Variants in RERE observed in about 807,000 individuals in gnomAD.
RERE encodes arginine-glutamic acid dipeptide repeats.
RERE carries 40 observed loss-of-function variants against 146.1 expected under a neutral mutation model. The observed-to-expected ratio is 0.27, with a 90% confidence interval of 0.21 to 0.36. The LOEUF is 0.36. RERE is among the 10% of genes least tolerant of loss of function. The pLI is 1.00. For missense variants in RERE, 1,933 were observed against 2,138.7 expected (o/e 0.90, Z 1.90); for synonymous variants, 1,003 against 866.0 (o/e 1.16, Z -2.78).
chr1:8,560,757 G>C (rs532310408), intron 4 of RERE, among the ~76,000 whole-genome samples: 53 of 152,318 alleles, frequency 3.5e-4, no homozygotes, highest in South Asian at 1.0e-3. Context: ...ACTGTGCCGA[G>C]AAGTGTGGGA....
chr1:8,815,159 A>T (rs1286723118), intron 1 of RERE, among the ~76,000 whole-genome samples: 1 of 152,228 alleles, frequency 6.6e-6, no homozygotes, highest in Non-Finnish European at 1.5e-5. Context: ...CAGGTGGACT[A>T]GCCTATTCCC....
chr1:8,696,563 G>A (rs1458117529), intron 1 of RERE, among the ~76,000 whole-genome samples: 2 of 152,158 alleles, frequency 1.3e-5, no homozygotes, highest in Non-Finnish European at 2.9e-5. Flanking sequence ...GCAATGAGCT[G>A]AGATTGTGCC....
intron 3 of RERE, 76 bp from the exon 4 acceptor site, chr1:8,614,762 C>T: frequency 6.7e-7 from 1 of 1,495,046 alleles, no homozygotes; most frequent in Admixed American, 2.2e-5. Flanking sequence ...ACGCAGCACA[C>T]AAGTCGGTAT....
chr1:8,495,769 G>T (rs1645037011), intron 9 of RERE, among the ~76,000 whole-genome samples: 1 of 152,174 alleles, frequency 6.6e-6, no homozygotes, highest in African/African-American at 2.4e-5. Flanking sequence ...TATTTCAGTA[G>T]ATGACAATCT....
chr1:8,358,973 G>C (rs1478623659), intron 19 of RERE, 57 bp from the exon 20 acceptor site: 4 of 1,493,394 alleles, frequency 2.7e-6, no homozygotes, highest in African/African-American at 1.4e-5. Context: ...TCTCCGCTTG[G>C]TCCACACTGC....
At chr1:8,433,601 C>T (rs1243901524) in intron 11 of RERE, among the ~76,000 whole-genome samples, 1 of 141,650 alleles carries the variant, frequency 7.1e-6, no homozygotes, top group East Asian at 2.0e-4. Context: ...TCGCCCAGGT[C>T]GGACTGCGGA....
rs1638442679 is a variant in RERE at position 8,660,976 on chromosome 1, A to G, written c.-144-4535T>C. 1.3e-5 allele frequency among the ~76,000 whole-genome samples: 2 copies of G among 152,220 alleles called. 1 individual carries two copies. The highest frequency in any genetic ancestry group is 4.1e-4 in the South Asian group (2 of 4,826). Reference sequence around the variant, plus strand: ...TGGTAAACAGCAGAAAACTCAACATAAAACCCCTGCCCTTATCTTGAGCTT... The same window carrying G: ...TGGTAAACAGCAGAAAACTCAACATGAAACCCCTGCCCTTATCTTGAGCTT... On this transcript the variant is annotated intron_variant, in intron 1 of 22. Coordinates refer to ENST00000400908, the MANE Select transcript of RERE (RefSeq NM_001042681.2).
At chr1:8,524,059 C>G (rs996093246) in intron 7 of RERE, among the ~76,000 whole-genome samples, 3 of 152,130 alleles carry the variant, frequency 2.0e-5, no homozygotes, top group Admixed American at 2.0e-4. Flanking sequence ...TTCCTCTCGT[C>G]TATTGAAGGG....
At chr1:8,808,697 G>C (rs193301584) in intron 1 of RERE, among the ~76,000 whole-genome samples, 48 of 151,070 alleles carry the variant, frequency 3.2e-4, no homozygotes, top group African/African-American at 1.2e-3. Context: ...ATAATAGTTA[G>C]TTAACGGTAG....
chr1:8,555,570 A>C (rs1645997644), intron 6 of RERE, among the ~76,000 whole-genome samples: 1 of 152,260 alleles, frequency 6.6e-6, no homozygotes, highest in Non-Finnish European at 1.5e-5. Flanking sequence ...AAAAGCTACC[A>C]AAATCCTAGT....
At chr1:8,411,810 G>C (rs187559150) in intron 12 of RERE, among the ~76,000 whole-genome samples, 1 of 152,094 alleles carries the variant, frequency 6.6e-6, no homozygotes, top group East Asian at 1.9e-4. Context: ...TATCCAAAAC[G>C]TGTAGTTTGC....
chr1:8,586,373 C>T (rs1646428408), intron 4 of RERE, among the ~76,000 whole-genome samples: 1 of 152,126 alleles, frequency 6.6e-6, no homozygotes, highest in South Asian at 2.1e-4. Context: ...AGATGGCTGG[C>T]CACGTCCTGT....
chr1:8,357,050 G>A (rs571559026), intron 20 of RERE, among the ~76,000 whole-genome samples: 17 of 152,098 alleles, frequency 1.1e-4, no homozygotes, highest in African/African-American at 3.9e-4. Context: ...CTGCCCCTGC[G>A]CCCAGCTCTC....
intron 1 of RERE, among the ~76,000 whole-genome samples, chr1:8,777,890 TAAAA>T (rs36090225): frequency 7.1e-6 from 1 of 140,754 alleles, no homozygotes; most frequent in Non-Finnish European, 1.6e-5. Context: ...AGTATATGGT[TAAAA>T]AAAAAAAAAA....
chr1:8,557,491 T>C lies in RERE; in HGVS notation c.555A>G (p.Lys185=). ...GAACCTCAGATTGACGGTAGTACCA[T>C]TTGACGTTCATGAGGAGATGGTCCC... The part of the protein sequence containing the change: ...SKRDHLLMNV[K]WYYRQSEVPD... Residue 185 remains lysine (K), a synonymous_variant, in exon 5 of 23, where the codon AAA becomes AAG. Coordinates refer to ENST00000400908, the MANE Select transcript of RERE (RefSeq NM_001042681.2). 6.2e-7 allele frequency: 1 copy of C among 1,613,434 alleles called. No individual in the cohort carries two copies. The highest frequency in any genetic ancestry group is 8.5e-7 in the Non-Finnish European group (1 of 1,179,352).
intron 1 of RERE, among the ~76,000 whole-genome samples, chr1:8,788,035 C>A (rs1221002682): frequency 1.3e-5 from 2 of 151,860 alleles, no homozygotes; most frequent in African/African-American, 2.4e-5. Context: ...GAGGTCAAGG[C>A]TGCAGTTAGC....
At chr1:8,784,217 T>G (rs1641220628) in intron 1 of RERE, among the ~76,000 whole-genome samples, 1 of 152,234 alleles carries the variant, frequency 6.6e-6, no homozygotes, top group Admixed American at 6.5e-5. Context: ...GAACTTCACA[T>G]GGCAAACTCC....
intron 4 of RERE, among the ~76,000 whole-genome samples, chr1:8,605,745 CAAAAAAAAAA>C (rs564574812): frequency 2.4e-3 from 155 of 64,532 alleles, no homozygotes; most frequent in African/African-American, 6.4e-3. Context: ...ACCCCATCTC[CAAAAAAAAAA>C]AAAAAAAAAA....
At chr1:8,665,279 C>T (rs1244247390) in intron 1 of RERE, among the ~76,000 whole-genome samples, 1 of 152,172 alleles carries the variant, frequency 6.6e-6, no homozygotes, top group African/African-American at 2.4e-5. Context: ...TTTACATTTA[C>T]TTGTGTGATT....
Sources: allele counts gnomAD v4.1 joint callset (sites outside exome capture counted in the v4.1 genomes callset), GRCh38; gene constraint gnomAD v4.1.1; transcripts MANE v1.5; gene names NCBI Gene and HGNC (gene_info 2026-07-23, HGNC 2026-07-21).